The following PIK3C3 variants were observed in gnomAD, a reference collection of about 807,000 sequenced individuals.
The protein encoded by PIK3C3 is PI3-kinase type 3.
A neutral mutation model predicts 126.1 loss-of-function variants in PIK3C3; 95 were observed. The ratio of observed to expected loss-of-function variants is 0.75; its 90% confidence interval spans 0.64 to 0.89. The LOEUF (loss-of-function observed/expected upper bound fraction) is 0.89, where lower values mean the gene tolerates loss of function less well. Among genes scored for constraint, PIK3C3 ranks in the 40% least tolerant of loss-of-function variants. PIK3C3 has a pLI of 0.00. For missense variants in PIK3C3, 829 were observed against 1,063.2 expected (o/e 0.78, Z 3.06); for synonymous variants, 374 against 360.0 (o/e 1.04, Z -0.44).
chr18:42,067,650 C>G, intron 24 of PIK3C3, 137 bp downstream of exon 24: 1 of 856,140 alleles, frequency 1.2e-6, no homozygotes, highest in Non-Finnish European at 1.8e-6. Context: ...TCTCACCAGC[C>G]AGCTGAAGTG....
At chr18:42,000,806 C>T (rs891034659) in intron 9 of PIK3C3, among the ~76,000 whole-genome samples, 4 of 152,140 alleles carry the variant, frequency 2.6e-5, no homozygotes, top group African/African-American at 9.7e-5. Context: ...ATGAGACTTA[C>T]TCACTATCAT....
intron 21 of PIK3C3, among the ~76,000 whole-genome samples, chr18:42,057,413 A>G (rs1209619800): frequency 1.3e-5 from 2 of 152,110 alleles, no homozygotes; most frequent in African/African-American, 4.8e-5. Context: ...GGTTTTTAAA[A>G]TTTTTCCTTT....
Position 42,085,192 on chromosome 18 carries a change from T to G in PIK3C3, c.*4055T>G, listed in dbSNP as rs1420664350. ...TAAATACTGGTAAGTGAAAGTTCAT[T>G]TTGTTCAGTGCTATGGGCTGGTACA... On this transcript the variant is annotated 3_prime_UTR_variant, in exon 25 of 25. Coordinates refer to ENST00000262039, the MANE Select transcript of PIK3C3 (RefSeq NM_002647.4). The G allele has an allele frequency of 6.6e-6, 1 of 152,184 alleles. No individual in the cohort carries two copies. The highest frequency in any genetic ancestry group is 2.4e-5 in the African/African-American group (1 of 41,450). The allele number at this position is 152,184 out of a possible 1,614,324, so 9.4% of individuals were successfully genotyped here.
intron 24 of PIK3C3, among the ~76,000 whole-genome samples, chr18:42,074,063 C>CT (rs1404487200): frequency 2.0e-5 from 3 of 152,126 alleles, no homozygotes; most frequent in African/African-American, 7.2e-5. Flanking sequence ...TTTTTAGTTA[C>CT]TTGAAAGTCG....
intron 24 of PIK3C3, among the ~76,000 whole-genome samples, chr18:42,079,714 A>G (rs571787665): frequency 6.6e-6 from 1 of 152,338 alleles, no homozygotes; most frequent in Admixed American, 6.5e-5. Flanking sequence ...ACACGTGTAC[A>G]TATGCAGTTT....
At chr18:41,967,479 T>G (rs1980429246) in intron 3 of PIK3C3, among the ~76,000 whole-genome samples, 1 of 152,190 alleles carries the variant, frequency 6.6e-6, no homozygotes, top group South Asian at 2.1e-4. Flanking sequence ...TGATGTGTAC[T>G]TAGTAGCTGT....
chr18:42,011,168 G>C (rs144142415), intron 10 of PIK3C3, among the ~76,000 whole-genome samples: 41 of 152,268 alleles, frequency 2.7e-4, no homozygotes, highest in African/African-American at 9.9e-4. Context: ...AAGGGCCCTA[G>C]GACTTCTGAA....
rs1302639277 is a variant in PIK3C3 at position 42,048,567 on chromosome 18, T to C, written c.2189-964T>C. ...CAGGTTAGAAATGATGAATATGATA[T>C]GCCTAGCTAAGAGCCTAGTCTTCAG... On this transcript the variant is annotated intron_variant, in intron 20 of 24. Transcript: ENST00000262039. Among the ~76,000 whole-genome samples the C allele has an allele frequency of 3.3e-5, 5 of 152,356 alleles. No individual in the cohort carries two copies. The East Asian group carries it at 9.6e-4, about 29-fold the overall frequency.
chr18:42,058,124 A>G (rs1397941062), intron 22 of PIK3C3, 73 bp downstream of exon 22: 1 of 1,274,292 alleles, frequency 7.8e-7, no homozygotes, highest in Non-Finnish European at 1.1e-6. Flanking sequence ...AATTTGTTTA[A>G]ATGTATGCAT....
At chr18:42,004,929 A>G (rs994409749) in intron 10 of PIK3C3, among the ~76,000 whole-genome samples, 38 of 152,316 alleles carry the variant, frequency 2.5e-4, no homozygotes, top group Middle Eastern at 3.4e-3. Flanking sequence ...ATTTAATTGT[A>G]GCCTTGAAAA....
Position 41,957,699 on chromosome 18 carries a change from A to T in PIK3C3, c.198A>T (p.Glu66Asp). 1 of 1,614,016 alleles carries T rather than the reference A, an allele frequency of 6.2e-7. No homozygotes were observed. Among genetic ancestry groups the T allele is most frequent in the Non-Finnish European group, 8.5e-7 (1 of 1,179,940 alleles). Residue 66 changes from glutamate to aspartate, a missense_variant, in exon 2 of 25, where the codon GAA becomes GAT. Physicochemically the swap from Glu to Asp is conservative, Grantham distance 45 (BLOSUM62 2). Transcript: ENST00000262039. ...ATGTTACTTGTCAAGTTTTTGCAGA[A>T]GGGAAGCCTTTGGCCTTGCCAGTGA... The part of the protein sequence containing the change: ...DLYVTCQVFA[E>D]GKPLALPVRT...
At chr18:42,026,505 G>A (rs1983576860) in intron 13 of PIK3C3, 1 of 151,972 alleles carries the variant, frequency 6.6e-6, no homozygotes, top group East Asian at 1.9e-4. Context: ...TGTTGCCCAA[G>A]CTGGAGTGCA....
rs1986240676 is a variant in PIK3C3 at position 42,081,288 on chromosome 18, G to A, written c.*151G>A. 2 of 516,848 alleles carry A rather than the reference G, an allele frequency of 3.9e-6. No individual in the cohort carries two copies. Among genetic ancestry groups the A allele is most frequent in the Non-Finnish European group, 7.0e-6 (2 of 285,568 alleles). 32.0% of individuals were successfully genotyped at this position (516,848 alleles called of 1,614,324 possible). On this transcript the variant is annotated 3_prime_UTR_variant, in exon 25 of 25. Coordinates refer to ENST00000262039, the MANE Select transcript of PIK3C3 (RefSeq NM_002647.4). ...TTTCCAAATATTACATGGTACCTGA[G>A]TTCTGCTTCCTTGGATGTCATTGCT...
At chr18:42,072,521 G>A (rs766604457) in intron 24 of PIK3C3, among the ~76,000 whole-genome samples, 14 of 152,066 alleles carry the variant, frequency 9.2e-5, no homozygotes, top group African/African-American at 1.4e-4. Context: ...TTGCATCATT[G>A]TAACCCTTCT....
intron 3 of PIK3C3, among the ~76,000 whole-genome samples, chr18:41,968,228 G>A (rs946474154): frequency 6.6e-6 from 1 of 152,154 alleles, no homozygotes; most frequent in Non-Finnish European, 1.5e-5. Context: ...GGATGGGAAG[G>A]TAGAGAGAAG....
At chr18:41,995,791 A>G (rs2144363695) in intron 7 of PIK3C3, 99 bp from the exon 8 acceptor site, 1 of 771,900 alleles carries the variant, frequency 1.3e-6, no homozygotes, top group Non-Finnish European at 2.2e-6. Flanking sequence ...AACATTAGAT[A>G]TTATTAAATG....
Position 41,979,874 on chromosome 18 carries a change from C to CATTATT in PIK3C3, c.532-7912_532-7907dup, listed in dbSNP as rs60161824. ...TCTCTGCTAATTATAGGAATCATGC[C>CATTATT]ATTATTATTATTATTATTATTATTA... On this transcript the variant is annotated intron_variant, in intron 4 of 24. Coordinates refer to ENST00000262039, the MANE Select transcript of PIK3C3 (RefSeq NM_002647.4). 4.5e-3 allele frequency among the ~76,000 whole-genome samples: 598 copies of CATTATT among 132,772 alleles called. 2 individuals carry two copies. The highest frequency in any genetic ancestry group is 0.025 in the East Asian group (109 of 4,286). The allele number at this position is 132,772 out of a possible 152,430, so 87.1% of individuals were successfully genotyped here.
chr18:42,049,523 T>G lies in PIK3C3; in HGVS notation c.2189-8T>G. 6.2e-7 allele frequency: 1 copy of G among 1,609,478 alleles called. No homozygotes were observed. The highest frequency in any genetic ancestry group is 8.5e-7 in the Non-Finnish European group (1 of 1,176,200). On this transcript the variant is annotated splice_region_variant and splice_polypyrimidine_tract_variant and intron_variant, in intron 20 of 24. Coordinates refer to ENST00000262039, the MANE Select transcript of PIK3C3 (RefSeq NM_002647.4). ...GTTTTCACATATTTTTTTTAACTGT[T>G]ACTGCAGCTGGATATTGCGTGATCA... is the stretch of plus-strand genomic sequence containing the variant.
Position 42,015,553 on chromosome 18 carries a change from G to A in PIK3C3, c.1403G>A (p.Gly468Asp). ...PASKTKEVPD[G>D]ENLEQDLCTF... ...TCAAAAACAAAAGAAGTTCCAGATG[G>A]CGAAAATCTGGAAGTGAGTACAAAG... The change falls in exon 12 of 25, where the codon GGC becomes GAC. Residue 468 changes from glycine (G) to aspartate (D), a missense_variant. By Grantham distance (94) the Gly-to-Asp change is moderately conservative. Transcript: ENST00000262039. 1 of 1,612,696 alleles carries A rather than the reference G, an allele frequency of 6.2e-7. No individual in the cohort carries two copies. The highest frequency in any genetic ancestry group is 8.5e-7 in the Non-Finnish European group (1 of 1,178,992).
Sources: gnomAD v4.1 joint callset for allele counts (sites outside exome capture counted in the v4.1 genomes callset) on GRCh38, gnomAD v4.1.1 for gene constraint, MANE v1.5 for transcripts, NCBI Gene and HGNC (gene_info 2026-07-23, HGNC 2026-07-21) for gene names.